The following IPO11 variants were observed in gnomAD, a reference collection of about 807,000 sequenced individuals.
The protein encoded by IPO11 is importin 11, also known as importin-11.
IPO11 carries 66 observed loss-of-function variants against 143.2 expected under a neutral mutation model. That is an observed-to-expected ratio of 0.46 (90% confidence interval 0.38 to 0.57). The LOEUF is 0.57. Among genes scored for constraint, IPO11 ranks in the 20% least tolerant of loss-of-function variants. The pLI, the probability that IPO11 is intolerant of heterozygous loss-of-function variation, is 0.00. For missense variants in IPO11, 1,026 were observed against 1,141.0 expected (o/e 0.90, Z 1.45); for synonymous variants, 385 against 377.8 (o/e 1.02, Z -0.22).
At chr5:62,547,954 T>C (rs539950093) in intron 24 of IPO11, among the ~76,000 whole-genome samples, 1 of 152,288 alleles carries the variant, frequency 6.6e-6, no homozygotes, top group African/African-American at 2.4e-5. Flanking sequence ...TTTTCCTTGC[T>C]CAGAGACAAC....
intron 29 of IPO11, among the ~76,000 whole-genome samples, chr5:62,616,415 A>T (rs1746135455): frequency 6.6e-6 from 1 of 152,176 alleles, no homozygotes; most frequent in Admixed American, 6.5e-5. Context: ...ATTTAAAAAT[A>T]TATATACATC....
chr5:62,555,766 G>C (rs1052482892), intron 26 of IPO11, among the ~76,000 whole-genome samples: 1 of 152,018 alleles, frequency 6.6e-6, no homozygotes, highest in Non-Finnish European at 1.5e-5. Flanking sequence ...GCCTCCCAAT[G>C]TGTTGGGGTT....
chr5:62,560,954 C>G (rs1743749593), intron 26 of IPO11, 182 bp from the exon 27 acceptor site: 1 of 438,192 alleles, frequency 2.3e-6, no homozygotes, highest in Non-Finnish European at 4.0e-6. Context: ...GAGTCAGTTT[C>G]TGGTTTTGCT....
At chr5:62,478,836 G>C (rs1746064492) in intron 9 of IPO11, among the ~76,000 whole-genome samples, 1 of 152,048 alleles carries the variant, frequency 6.6e-6, no homozygotes, top group African/African-American at 2.4e-5. Flanking sequence ...GCTTTTTTGT[G>C]GGGGATAGGG....
intron 6 of IPO11, 73 bp downstream of exon 6, chr5:62,467,336 C>A: frequency 6.9e-7 from 1 of 1,444,254 alleles, no homozygotes. Context: ...TTCCTTTAGA[C>A]GGGTTTTCTG....
chr5:62,554,976 A>C (rs905655722), intron 26 of IPO11, among the ~76,000 whole-genome samples: 16 of 152,192 alleles, frequency 1.1e-4, no homozygotes, highest in African/African-American at 3.1e-4. Flanking sequence ...TGGACTCCCA[A>C]AGTACTGGGA....
At chr5:62,567,154 A>C (rs999376118) in intron 27 of IPO11, among the ~76,000 whole-genome samples, 2 of 152,198 alleles carry the variant, frequency 1.3e-5, no homozygotes, top group African/African-American at 4.8e-5. Context: ...GAAAGTCTCT[A>C]TCTCTCCTGC....
chr5:62,604,939 T>TAC (rs1745649227), intron 29 of IPO11, among the ~76,000 whole-genome samples: 1 of 152,230 alleles, frequency 6.6e-6, no homozygotes, highest in Admixed American at 6.5e-5. Flanking sequence ...TTAATGTATT[T>TAC]TTTCAGTAAT....
chr5:62,494,321 A>G (rs1741051838), intron 16 of IPO11, among the ~76,000 whole-genome samples, 197 bp downstream of exon 16: 1 of 151,680 alleles, frequency 6.6e-6, no homozygotes, highest in African/African-American at 2.4e-5. Context: ...CTAGTCATTG[A>G]AAAAAAAATT....
intron 12 of IPO11, 151 bp downstream of exon 12, chr5:62,485,613 A>AG (rs1340430482): frequency 1.6e-6 from 1 of 630,236 alleles, no homozygotes; most frequent in East Asian, 2.9e-5. Context: ...CCAAGGTGGG[A>AG]GGATCGCTTG....
At chr5:62,560,253 G>A (rs566326663) in intron 26 of IPO11, among the ~76,000 whole-genome samples, 1 of 152,242 alleles carries the variant, frequency 6.6e-6, no homozygotes, top group Non-Finnish European at 1.5e-5. Flanking sequence ...CATTCAAGAT[G>A]GAGTCATTTT....
rs183156231 is a variant in IPO11, at chr5:62,461,560, A to G, written c.517-5571A>G. On this transcript the variant is annotated intron_variant, in intron 5 of 29. Coordinates refer to ENST00000325324, the MANE Select transcript of IPO11 (RefSeq NM_016338.5). ...GTGCCGTTGCTTCTTCATTCCAGCC[A>G]TTTGTGTAGAGACCTTTCGTAGGCT... Among the ~76,000 whole-genome samples, 11 of 152,332 alleles carry G rather than the reference A, an allele frequency of 7.2e-5. No individual in the cohort carries two copies. The East Asian group carries it at 2.1e-3, about 29-fold the overall frequency.
intron 27 of IPO11, among the ~76,000 whole-genome samples, chr5:62,590,409 C>T (rs990951564): frequency 1.3e-5 from 2 of 152,038 alleles, no homozygotes; most frequent in African/African-American, 2.4e-5. Context: ...GTTTTAGTGC[C>T]TAAAAACTTG....
rs1745748408 is a variant in IPO11, at chr5:62,470,852, G to A, written c.708+544G>A. 3.9e-5 allele frequency among the ~76,000 whole-genome samples: 3 copies of A among 76,974 alleles called. No homozygotes were observed. In the Admixed American group the frequency reaches 6.7e-4, roughly 17 times the overall value. 50.5% of individuals were successfully genotyped at this position (76,974 alleles called of 152,430 possible). A position where few individuals can be genotyped will look rare whatever the true frequency, so the allele number is the denominator to read the frequency against. On this transcript the variant is annotated intron_variant, in intron 7 of 29. Coordinates refer to ENST00000325324, the MANE Select transcript of IPO11 (RefSeq NM_016338.5). ...TTTTTTTTTTTTTTTTTTTGAGACA[G>A]AGTCTCGCTCTGTCACCCAGGCTGG... is the stretch of plus-strand genomic sequence containing the variant.
chr5:62,504,972 A>T, intron 18 of IPO11, 74 bp downstream of exon 18: 1 of 812,358 alleles, frequency 1.2e-6, no homozygotes, highest in Non-Finnish European at 1.9e-6. Flanking sequence ...TATTTTATAC[A>T]TGAAATTATC....
intron 29 of IPO11, among the ~76,000 whole-genome samples, chr5:62,621,821 AAAACC>A (rs1746388534): frequency 6.6e-6 from 1 of 152,208 alleles, no homozygotes; most frequent in African/African-American, 2.4e-5. Flanking sequence ...TCAGGAAACA[AAAACC>A]AAAATCAAGA....
intron 3 of IPO11, among the ~76,000 whole-genome samples, chr5:62,444,564 A>T (rs76429472): frequency 6.6e-6 from 1 of 152,014 alleles, no homozygotes; most frequent in South Asian, 2.1e-4. Context: ...TAGTGGTTAT[A>T]TAAAGGATAC....
rs577266416 is a variant in IPO11 at position 62,505,821 on chromosome 5, T to G, written c.1666-420T>G. Among the ~76,000 whole-genome samples the G allele has an allele frequency of 2.0e-5, 3 of 152,164 alleles. No homozygotes were observed. In the South Asian group the frequency reaches 6.2e-4, roughly 32 times the overall value. ...TTACATCAGATAGCTAGTATGTGAG[T>G]GCAATAATTAACGTCTTTTTGCCGT... On this transcript the variant is annotated intron_variant, in intron 18 of 29. Transcript: ENST00000325324.
chr5:62,507,678 T>A (rs1218781975), intron 19 of IPO11, among the ~76,000 whole-genome samples: 3 of 152,240 alleles, frequency 2.0e-5, no homozygotes, highest in African/African-American at 7.2e-5. Context: ...TCTGTAATTT[T>A]ATTTAGAAAT....
Sources: gnomAD v4.1 joint callset for allele counts (sites outside exome capture counted in the v4.1 genomes callset) on GRCh38, gnomAD v4.1.1 for gene constraint, MANE v1.5 for transcripts, NCBI Gene and HGNC (gene_info 2026-07-23, HGNC 2026-07-21) for gene names.